NRG1: variants seen among roughly 807,000 people sequenced by gnomAD.
NRG1 encodes pro-neuregulin-1, membrane-bound isoform.
Under a neutral mutation model 63.8 loss-of-function variants are expected in NRG1, and 18 were observed. That is an observed-to-expected ratio of 0.28 (90% CI 0.19 to 0.42). NRG1 has a LOEUF of 0.42. NRG1 is among the 10% of genes least tolerant of loss of function. The probability of loss-of-function intolerance (pLI) is 1.00; values close to 1 mark genes in which losing one functional copy is unlikely to be tolerated. For missense variants in NRG1, 762 were observed against 814.7 expected (o/e 0.94, Z 0.79); for synonymous variants, 302 against 301.3 (o/e 1.00, Z -0.02).
intron 1 of NRG1, among the ~76,000 whole-genome samples, chr8:31,769,209 G>C (rs1201715890): frequency 1.3e-5 from 2 of 152,108 alleles, no homozygotes; most frequent in Admixed American, 1.3e-4. Context: ...TAATTTACAT[G>C]GGTTTTTAAT....
chr8:32,302,035 A>G (rs1855630564), intron 1 of NRG1, among the ~76,000 whole-genome samples: 4 of 152,184 alleles, frequency 2.6e-5, no homozygotes, highest in Non-Finnish European at 1.5e-5. Flanking sequence ...ATTGTCTGAC[A>G]TTCTGTCTAA....
chr8:32,184,023 G>C (rs901088031), intron 1 of NRG1, among the ~76,000 whole-genome samples: 1 of 151,702 alleles, frequency 6.6e-6, no homozygotes, highest in African/African-American at 2.4e-5. Flanking sequence ...ATAGAATCTT[G>C]GAAAAATAGC....
At chr8:32,197,020 C>T (rs1286225263) in intron 1 of NRG1, among the ~76,000 whole-genome samples, 2 of 124,904 alleles carry the variant, frequency 1.6e-5, no homozygotes, top group East Asian at 5.3e-4. Context: ...AGTGCAGTGG[C>T]GCGATCTTGG....
chr8:32,292,608 A>G (rs1854335679), intron 1 of NRG1, among the ~76,000 whole-genome samples: 1 of 152,106 alleles, frequency 6.6e-6, no homozygotes, highest in African/African-American at 2.4e-5. Context: ...GTTTCTTTCT[A>G]ATTCGCAGTA....
intron 1 of NRG1, among the ~76,000 whole-genome samples, chr8:32,450,438 A>G (rs530887946): frequency 5.9e-4 from 90 of 152,152 alleles, no homozygotes; most frequent in African/African-American, 2.1e-3. Flanking sequence ...AAAAATTGAG[A>G]CAGGGTCTCG....
At chr8:32,021,272 G>A (rs1216228082) in intron 1 of NRG1, among the ~76,000 whole-genome samples, 1 of 146,232 alleles carries the variant, frequency 6.8e-6, no homozygotes, top group Non-Finnish European at 1.5e-5. Context: ...GAAGTTCAAC[G>A]GCATGACCCT....
Position 31,799,091 on chromosome 8 carries a change from G to A in NRG1, c.37+159660G>A, listed in dbSNP as rs537874712. On this transcript the variant is annotated intron_variant, in intron 1 of 10. Coordinates refer to the NRG1 transcript ENST00000519301. ...CCACATGCTGTATATTCTAACACTT[G>A]GCCCTGGTAGGGTTTATTTGTATAT... 3.2e-4 allele frequency among the ~76,000 whole-genome samples: 49 copies of A among 152,136 alleles called. 2 individuals carry two copies. In the South Asian group the frequency reaches 9.6e-3, roughly 30 times the overall value.
At chr8:32,072,529 G>A (rs941416079) in intron 1 of NRG1, among the ~76,000 whole-genome samples, 3 of 151,968 alleles carry the variant, frequency 2.0e-5, no homozygotes, top group African/African-American at 7.3e-5. Flanking sequence ...CTGAATTATA[G>A]AATAGCTTTC....
intron 1 of NRG1, among the ~76,000 whole-genome samples, chr8:31,866,194 T>A (rs1828942865): frequency 6.6e-6 from 1 of 152,216 alleles, no homozygotes; most frequent in Non-Finnish European, 1.5e-5. Flanking sequence ...TCTAGTTCAG[T>A]ATCATGACTT....
chr8:32,053,904 C>A (rs2130834834), intron 1 of NRG1, among the ~76,000 whole-genome samples: 1 of 152,284 alleles, frequency 6.6e-6, no homozygotes, highest in African/African-American at 2.4e-5. Flanking sequence ...GCAGTTCTTT[C>A]TCATTAACTT....
chr8:32,748,337 G>GCACA lies in NRG1; in HGVS notation c.691+5605_691+5606insACAC, dbSNP rs1310986635. ...CATAGGCGCATGTACACGCGCGCGCGCGCACACACACACACACACACAGAG... is the reference window on the plus strand; with the variant it reads ...CATAGGCGCATGTACACGCGCGCGCGCACACGCACACACACACACACACACAGAG... On this transcript the variant is annotated intron_variant, in intron 7 of 11. Coordinates refer to ENST00000356819, the Ensembl canonical transcript of NRG1. Among the ~76,000 whole-genome samples, 224 of 104,504 alleles carry GCACA rather than the reference G, an allele frequency of 2.1e-3. 1 individual carries two copies. Among genetic ancestry groups the GCACA allele is most frequent in the African/African-American group, 5.3e-3 (163 of 30,862 alleles). The allele number at this position is 104,504 out of a possible 152,430, so 68.6% of individuals were successfully genotyped here. A position where few individuals can be genotyped will look rare whatever the true frequency, so the allele number is the denominator to read the frequency against.
intron 1 of NRG1, among the ~76,000 whole-genome samples, chr8:32,458,955 C>T (rs557232521): frequency 6.6e-6 from 1 of 152,282 alleles, no homozygotes; most frequent in South Asian, 2.1e-4. Flanking sequence ...GTTTAACTTC[C>T]AAATGCCAAG....
intron 3 of NRG1, among the ~76,000 whole-genome samples, chr8:32,610,944 C>G (rs1173339979): frequency 1.3e-5 from 2 of 152,044 alleles, no homozygotes; most frequent in African/African-American, 4.8e-5. Context: ...ACTATATGTT[C>G]ATTTGTATTT....
At chr8:32,189,632 G>T (rs1369947840) in intron 1 of NRG1, among the ~76,000 whole-genome samples, 1 of 152,112 alleles carries the variant, frequency 6.6e-6, no homozygotes, top group Admixed American at 6.5e-5. Flanking sequence ...TGCCTATCAG[G>T]GTGGGGCTGC....
intron 1 of NRG1, among the ~76,000 whole-genome samples, chr8:32,493,356 C>A (rs564145634): frequency 6.6e-6 from 1 of 152,132 alleles, no homozygotes; most frequent in Non-Finnish European, 1.5e-5. Context: ...TCCCTCCCCA[C>A]GCCCATTTCC....
chr8:32,063,722 G>T (rs1245657030), intron 1 of NRG1, among the ~76,000 whole-genome samples: 1 of 152,034 alleles, frequency 6.6e-6, no homozygotes, highest in Non-Finnish European at 1.5e-5. Flanking sequence ...TCCCATCAAT[G>T]ATTAGGAGAA....
chr8:31,840,855 A>G (rs894730960), intron 1 of NRG1, among the ~76,000 whole-genome samples: 2 of 152,180 alleles, frequency 1.3e-5, no homozygotes, highest in Non-Finnish European at 2.9e-5. Flanking sequence ...CTGCCGAGTC[A>G]TTAGGGGCAT....
At chr8:32,290,287 T>C (rs1854037066) in intron 1 of NRG1, among the ~76,000 whole-genome samples, 1 of 152,060 alleles carries the variant, frequency 6.6e-6, no homozygotes, top group Non-Finnish European at 1.5e-5. Context: ...AATTATTTGA[T>C]ACTATGGGTT....
chr8:32,307,811 T>G (rs1856384199), intron 1 of NRG1, among the ~76,000 whole-genome samples: 1 of 152,136 alleles, frequency 6.6e-6, no homozygotes. Context: ...CACTCCTTTT[T>G]GTTACCTCTC....
Sources: gnomAD v4.1 joint callset for allele counts (sites outside exome capture counted in the v4.1 genomes callset) on GRCh38, gnomAD v4.1.1 for gene constraint, MANE v1.5 for transcripts, NCBI Gene and HGNC (gene_info 2026-07-23, HGNC 2026-07-21) for gene names.